Variants in ADAM12 observed in about 807,000 individuals in gnomAD.
The protein encoded by ADAM12 is ADAM metallopeptidase domain 12.
ADAM12 carries 70 observed loss-of-function variants against 106.4 expected under a neutral mutation model. The ratio of observed to expected loss-of-function variants is 0.66; its 90% CI spans 0.54 to 0.80. ADAM12 has a LOEUF of 0.80. ADAM12 is among the 30% of genes least tolerant of loss of function. The pLI is 0.00. For missense variants in ADAM12, 1,010 were observed against 1,171.9 expected, an observed-to-expected ratio of 0.86 and a Z score of 2.02; for synonymous variants, 420 against 433.5, an observed-to-expected ratio of 0.97 and a Z score of 0.39.
intron 3 of ADAM12, among the ~76,000 whole-genome samples, chr10:126,176,088 C>A (rs561851941): frequency 1.6e-4 from 25 of 152,324 alleles, no homozygotes; most frequent in African/African-American, 6.0e-4. Flanking sequence ...TCACTGCGAT[C>A]CTCAGGGGGT....
chr10:126,366,182 C>T (rs900610225), intron 1 of ADAM12, among the ~76,000 whole-genome samples: 7 of 152,032 alleles, frequency 4.6e-5, no homozygotes. Context: ...GGAAATAAAA[C>T]AGTCAGTGGT....
chr10:126,083,158 AT>A (rs1309433872), intron 11 of ADAM12, among the ~76,000 whole-genome samples: 5 of 152,204 alleles, frequency 3.3e-5, no homozygotes, highest in Non-Finnish European at 7.3e-5. Context: ...AGGAGCCACC[AT>A]TTGTTTAGTG....
chr10:126,028,729 G>A (rs537218709), intron 21 of ADAM12, among the ~76,000 whole-genome samples: 11 of 152,074 alleles, frequency 7.2e-5, no homozygotes, highest in Middle Eastern at 3.4e-3. Flanking sequence ...CAACACCATC[G>A]AGGACATAGG....
At chr10:126,288,657 G>A (rs4360609) in intron 2 of ADAM12, among the ~76,000 whole-genome samples, 41,652 of 151,618 alleles carry the variant, frequency 0.27, 5,828 homozygotes, top group South Asian at 0.37. Context: ...GTGACATGGT[G>A]GCCCTAAGGA....
At chr10:126,147,239 G>C (rs1956644956) in intron 4 of ADAM12, among the ~76,000 whole-genome samples, 1 of 152,170 alleles carries the variant, frequency 6.6e-6, no homozygotes, top group South Asian at 2.1e-4. Flanking sequence ...TCTAAGGGGA[G>C]ACATGTTTCC....
At chr10:126,199,926 A>G (rs1218412212) in intron 3 of ADAM12, among the ~76,000 whole-genome samples, 1 of 152,174 alleles carries the variant, frequency 6.6e-6, no homozygotes, top group Non-Finnish European at 1.5e-5. Context: ...TGACTAACAA[A>G]AACAAAAGCC....
intron 11 of ADAM12, among the ~76,000 whole-genome samples, chr10:126,077,425 T>C (rs1435736631): frequency 1.3e-5 from 2 of 152,122 alleles, no homozygotes; most frequent in Non-Finnish European, 2.9e-5. Context: ...AAAAGGAGCC[T>C]GAATAACCAA....
chr10:126,123,075 C>T (rs970324169), intron 5 of ADAM12, among the ~76,000 whole-genome samples: 1 of 152,178 alleles, frequency 6.6e-6, no homozygotes, highest in African/African-American at 2.4e-5. Context: ...GGATGAAGGC[C>T]TTCCCTTTAC....
intron 3 of ADAM12, among the ~76,000 whole-genome samples, chr10:126,183,294 T>G (rs941224823): frequency 6.6e-6 from 1 of 152,226 alleles, no homozygotes; most frequent in Admixed American, 6.5e-5. Context: ...GTAATAAGCT[T>G]GAATCATCCC....
intron 1 of ADAM12, among the ~76,000 whole-genome samples, chr10:126,349,268 C>A (rs1006303): frequency 0.23 from 34,299 of 152,104 alleles, 4,277 homozygotes; most frequent in African/African-American, 0.32. Flanking sequence ...ATACACAATG[C>A]AGTGTTTCAT....
chr10:126,252,540 A>C (rs923109974), intron 3 of ADAM12, among the ~76,000 whole-genome samples: 1 of 152,150 alleles, frequency 6.6e-6, no homozygotes, highest in Non-Finnish European at 1.5e-5. Context: ...TGGAGTTCTG[A>C]TGTTCAACCA....
At chr10:126,184,915 C>G (rs1365180319) in intron 3 of ADAM12, among the ~76,000 whole-genome samples, 2 of 152,226 alleles carry the variant, frequency 1.3e-5, no homozygotes, top group Non-Finnish European at 2.9e-5. Flanking sequence ...TAGTGACCAT[C>G]ACCATCCTGT....
intron 3 of ADAM12, among the ~76,000 whole-genome samples, chr10:126,158,061 C>G (rs1956851471): frequency 1.3e-5 from 2 of 152,150 alleles, no homozygotes; most frequent in Admixed American, 1.3e-4. Context: ...CAGCACAGTT[C>G]CAAAGGGAAG....
rs2133439845 is a variant in ADAM12, at chr10:126,050,000, CT to C, written c.1610-332del. On this transcript the variant is annotated intron_variant, in intron 14 of 22. Transcript: ENST00000448723. This position sits in a 1 kb window ranked among gnomAD's most constrained non-coding sequence, Gnocchi z 4.4. ...GGGCAGAAAGGAGGTGGCTGGCTGG[CT>C]GGCTGGCTGGCTGGCTGGCTGGCTG... Among the ~76,000 whole-genome samples the C allele has an allele frequency of 6.3e-5, 2 of 31,544 alleles. No individual in the cohort carries two copies. Among genetic ancestry groups the C allele is most frequent in the South Asian group, 2.4e-3 (2 of 826 alleles). The allele number at this position is 31,544 out of a possible 152,430, so 20.7% of individuals were successfully genotyped here.
At chr10:126,287,784 A>G (rs932313275) in intron 2 of ADAM12, among the ~76,000 whole-genome samples, 6 of 151,932 alleles carry the variant, frequency 3.9e-5, no homozygotes, top group South Asian at 2.1e-4. Context: ...TGGTTCTCAC[A>G]CACCCTGTTC....
chr10:126,258,026 C>A (rs988726913), intron 3 of ADAM12, among the ~76,000 whole-genome samples: 1 of 152,130 alleles, frequency 6.6e-6, no homozygotes, highest in East Asian at 1.9e-4. Context: ...GATTTTTGGC[C>A]ATTTTATATC....
chr10:126,113,265 G>A (rs770896674), intron 6 of ADAM12, among the ~76,000 whole-genome samples: 8 of 152,160 alleles, frequency 5.3e-5, no homozygotes, highest in South Asian at 2.1e-4. Context: ...AAGAGTGGAC[G>A]AGAGGAGGTG....
intron 1 of ADAM12, among the ~76,000 whole-genome samples, chr10:126,345,009 C>T (rs1168310898): frequency 6.6e-6 from 1 of 152,162 alleles, no homozygotes; most frequent in Admixed American, 6.5e-5. Context: ...ACTGAATACC[C>T]TTTATTTCTT....
At position 126,017,237 on chromosome 10, in the gene ADAM12, T is replaced by C. The variant is rs749075959; in HGVS notation, c.*42A>G. 1 of 1,526,188 alleles carries C rather than the reference T, an allele frequency of 6.6e-7. No individual in the cohort carries two copies. Among genetic ancestry groups the C allele is most frequent in the Non-Finnish European group, 8.9e-7 (1 of 1,127,446 alleles). 94.5% of individuals were successfully genotyped at this position (1,526,188 alleles called of 1,614,324 possible). ...AACTCCAACTGGAGCTGAAAGATAG[T>C]GCAAACTTCTGTCTTCACTGTTGAA... On this transcript the variant is annotated 3_prime_UTR_variant, in exon 23 of 23. Coordinates refer to ENST00000448723, the MANE Select transcript of ADAM12 (RefSeq NM_001288973.2).
Sources: gnomAD v4.1 joint callset for allele counts (sites outside exome capture counted in the v4.1 genomes callset) on GRCh38, gnomAD v4.1.1 for gene constraint, Gnocchi (gnomAD v3.1) non-coding constraint, MANE v1.5 for transcripts, NCBI Gene and HGNC (gene_info 2026-07-23, HGNC 2026-07-21) for gene names.